Variants in IFT56 observed in about 807,000 individuals in gnomAD.
The protein encoded by IFT56 is intraflagellar transport 56.
At chr7:139,158,468 A>G in the IFT56 span, among the ~76,000 whole-genome samples, 1 of 152,186 alleles carries the variant, frequency 6.6e-6, no homozygotes, top group Non-Finnish European at 1.5e-5. Context: ...CCTTTATCAG[A>G]TTAAGGAACT....
the IFT56 span, among the ~76,000 whole-genome samples, chr7:139,182,519 T>C: frequency 6.6e-6 from 1 of 152,158 alleles, no homozygotes; most frequent in African/African-American, 2.4e-5. Context: ...CCAGCAGAGA[T>C]AACAGAAGTA....
chr7:139,151,980 G>A, the IFT56 span, among the ~76,000 whole-genome samples: 3 of 152,224 alleles, frequency 2.0e-5, no homozygotes, highest in African/African-American at 7.2e-5. Context: ...AGAATTGCTT[G>A]AACCTGGGAG....
the IFT56 span, among the ~76,000 whole-genome samples, chr7:139,146,282 C>T: frequency 1.4e-4 from 21 of 152,116 alleles, no homozygotes; most frequent in South Asian, 8.3e-4. Flanking sequence ...CTAATATTTG[C>T]GGCAGCCATC....
the IFT56 span, among the ~76,000 whole-genome samples, chr7:139,186,361 G>A: frequency 5.1e-3 from 772 of 151,670 alleles, 9 homozygotes; most frequent in African/African-American, 0.018. Context: ...AGGAATTTGA[G>A]GTCACAGTGA....
the IFT56 span, chr7:139,147,243 CT>C: frequency 1.9e-6 from 3 of 1,613,466 alleles, no homozygotes; most frequent in East Asian, 6.7e-5. Flanking sequence ...TGCGATCTCA[CT>C]ACCAAGAAGC....
chr7:139,183,511 T>A, the IFT56 span, among the ~76,000 whole-genome samples: 1 of 152,026 alleles, frequency 6.6e-6, no homozygotes, highest in Non-Finnish European at 1.5e-5. Flanking sequence ...AGGGGGGAAA[T>A]GGCAGAATTA....
chr7:139,191,969 T>C, the IFT56 span: 1 of 152,160 alleles, frequency 6.6e-6, no homozygotes, highest in East Asian at 1.9e-4. Flanking sequence ...CAAATTAAAG[T>C]TTATTATTTG....
chr7:139,167,871 G>C, the IFT56 span, among the ~76,000 whole-genome samples: 1 of 151,794 alleles, frequency 6.6e-6, no homozygotes. Context: ...AACCCTGGGG[G>C]TGGAGGTTGC....
At chr7:139,170,039 A>G in the IFT56 span, among the ~76,000 whole-genome samples, 4 of 152,282 alleles carry the variant, frequency 2.6e-5, no homozygotes, top group East Asian at 5.8e-4. Context: ...CATACAACCA[A>G]TACTACAGAA....
chr7:139,165,287 A>T, the IFT56 span: 4 of 1,228,770 alleles, frequency 3.3e-6, no homozygotes, highest in East Asian at 7.4e-5. Context: ...TAGAATAGTT[A>T]AATATGTCTG....
chr7:139,160,915 C>T, the IFT56 span: 1 of 1,565,932 alleles, frequency 6.4e-7, no homozygotes, highest in Non-Finnish European at 8.8e-7. Context: ...ATACACTTGT[C>T]ATTTTCATAA....
chr7:139,174,278 G>A, the IFT56 span: 5 of 571,408 alleles, frequency 8.8e-6, no homozygotes, highest in South Asian at 2.8e-5. Flanking sequence ...TGGGTCTGAC[G>A]GCAGGGCGTC....
At chr7:139,169,080 G>A in the IFT56 span, among the ~76,000 whole-genome samples, 3 of 152,128 alleles carry the variant, frequency 2.0e-5, no homozygotes, top group Non-Finnish European at 4.4e-5. Context: ...TTAAGGATTT[G>A]ATTCTTTTTC....
the IFT56 span, among the ~76,000 whole-genome samples, chr7:139,177,611 A>AGT: frequency 2.7e-3 from 404 of 148,580 alleles, no homozygotes; most frequent in Admixed American, 3.7e-3. Flanking sequence ...ATATATATAT[A>AGT]GTGTGTGTGT....
the IFT56 span, among the ~76,000 whole-genome samples, chr7:139,181,937 G>A: frequency 1.3e-5 from 2 of 152,152 alleles, no homozygotes; most frequent in Non-Finnish European, 1.5e-5. Flanking sequence ...GAAAAACAGT[G>A]AGATTACCCA....
the IFT56 span, chr7:139,169,175 A>G: frequency 2.2e-6 from 2 of 912,318 alleles, no homozygotes; most frequent in Non-Finnish European, 3.3e-6. Context: ...TGTTTGGGGC[A>G]AGATTTAAAA....
chr7:139,148,209 A>T, the IFT56 span: 1 of 1,607,216 alleles, frequency 6.2e-7, no homozygotes, highest in Non-Finnish European at 8.5e-7. Context: ...CTAATAGGGA[A>T]TACCTTGCCC....
the IFT56 span, among the ~76,000 whole-genome samples, chr7:139,159,467 G>C: frequency 6.6e-6 from 1 of 152,072 alleles, no homozygotes; most frequent in East Asian, 1.9e-4. Flanking sequence ...AAAGTTCATA[G>C]AAAATTCTGT....
the IFT56 span, among the ~76,000 whole-genome samples, chr7:139,171,612 A>T: frequency 1.3e-5 from 2 of 152,208 alleles, no homozygotes; most frequent in African/African-American, 4.8e-5. Flanking sequence ...TCAATAAATT[A>T]TGCTGGGAAA....
Sources: allele counts gnomAD v4.1 joint callset (sites outside exome capture counted in the v4.1 genomes callset), GRCh38; gene constraint gnomAD v4.1.1; transcripts MANE v1.5; gene names NCBI Gene and HGNC (gene_info 2026-07-23, HGNC 2026-07-21).